Variants in ASPH observed in about 807,000 individuals in gnomAD.
ASPH encodes the protein aspartate beta-hydroxylase.
In ASPH, 100 loss-of-function variants were observed where a neutral mutation model predicts 118.4. The observed-to-expected ratio is 0.84, with a 90% CI of 0.72 to 1.00. ASPH has a LOEUF of 1.00. Among genes scored for constraint, ASPH ranks in the 50% least tolerant of loss-of-function variants. The probability of loss-of-function intolerance (pLI) is 0.00; values close to 1 mark genes in which losing one functional copy is unlikely to be tolerated. For synonymous variants in ASPH, 315 were observed against 325.6 expected, an observed-to-expected ratio of 0.97 and a Z score of 0.35; for missense variants, 920 against 919.5, an observed-to-expected ratio of 1.00 and a Z score of -0.01.
chr8:61,646,993 G>C (rs754676697), intron 5 of ASPH, 115 bp from the exon 6 acceptor site: 6 of 1,371,364 alleles, frequency 4.4e-6, no homozygotes, highest in Non-Finnish European at 4.0e-6. Flanking sequence ...CCCTCCTTTC[G>C]GCCGCTGAAG....
chr8:61,689,634 G>C (rs1163062118), intron 1 of ASPH: 2 of 1,548,428 alleles, frequency 1.3e-6, no homozygotes, highest in Admixed American at 3.5e-5. Flanking sequence ...CTGTCAGCTA[G>C]ATCTAAAGCC....
intron 17 of ASPH, among the ~76,000 whole-genome samples, chr8:61,566,872 CAT>C (rs375817467): frequency 1.7e-4 from 26 of 152,300 alleles, no homozygotes; most frequent in African/African-American, 4.8e-4. Flanking sequence ...GACACTATGA[CAT>C]AGTATAAATA....
intron 1 of ASPH, among the ~76,000 whole-genome samples, chr8:61,708,116 T>C (rs908105624): frequency 6.6e-6 from 1 of 152,230 alleles, no homozygotes; most frequent in East Asian, 1.9e-4. Context: ...GTTTCATTTC[T>C]TCGCCTATAT....
Position 61,644,616 on chromosome 8 carries a change from G to A in ASPH, c.636C>T (p.Tyr212=), listed in dbSNP as rs374862955. 6.0e-5 allele frequency: 95 copies of A among 1,584,828 alleles called. No homozygotes were observed. Among genetic ancestry groups the A allele is most frequent in the Admixed American group, 4.6e-4 (26 of 56,880 alleles). ...AAATCTCACCTGTCTCTTCCACGTG[G>A]TAACTATGCTCGGTTTCTGGAAAAA... The part of the protein sequence containing the change: ...EVSHEETEHS[Y]HVEETVSQDC... Residue 212 remains tyrosine, a synonymous_variant, in exon 7 of 25, where the codon TAC becomes TAT. Transcript: ENST00000379454.
chr8:61,578,590 G>A, intron 15 of ASPH: 2 of 1,521,394 alleles, frequency 1.3e-6, no homozygotes, highest in South Asian at 1.1e-5. Context: ...ACCAAGTGGA[G>A]CCTCCTGCAG....
At chr8:61,675,815 C>T in intron 3 of ASPH, 2 of 1,260,646 alleles carry the variant, frequency 1.6e-6, no homozygotes, top group African/African-American at 1.5e-5. Context: ...CCAATTATAC[C>T]ACCAAGAACA....
At chr8:61,698,604 T>C (rs1156635728) in intron 1 of ASPH, among the ~76,000 whole-genome samples, 1 of 152,200 alleles carries the variant, frequency 6.6e-6, no homozygotes, top group Non-Finnish European at 1.5e-5. Flanking sequence ...TTTTAGCCCC[T>C]CTCTCCTCCC....
At chr8:61,625,924 T>C (rs923829710) in intron 13 of ASPH, 1 of 1,069,172 alleles carries the variant, frequency 9.4e-7, no homozygotes, top group African/African-American at 1.7e-5. Context: ...CAATTGCTGC[T>C]ACATCACCAA....
At chr8:61,609,563 T>C (rs1201554984) in intron 14 of ASPH, among the ~76,000 whole-genome samples, 1 of 152,142 alleles carries the variant, frequency 6.6e-6, no homozygotes, top group African/African-American at 2.4e-5. Flanking sequence ...GGAAAGGCGG[T>C]AGACTGGCTT....
intron 21 of ASPH, among the ~76,000 whole-genome samples, chr8:61,533,975 T>G (rs1256821557): frequency 2.0e-5 from 3 of 152,182 alleles, no homozygotes; most frequent in African/African-American, 7.2e-5. Flanking sequence ...GAGACAGAGT[T>G]TTGCTCTTGT....
intron 16 of ASPH, among the ~76,000 whole-genome samples, chr8:61,570,531 G>C (rs1435959676): frequency 1.3e-5 from 2 of 152,118 alleles, no homozygotes; most frequent in Non-Finnish European, 2.9e-5. Context: ...TAATCTGTAT[G>C]CCTTGTCCCC....
At chr8:61,566,276 A>T (rs1029238557) in intron 17 of ASPH, among the ~76,000 whole-genome samples, 1 of 152,204 alleles carries the variant, frequency 6.6e-6, no homozygotes, top group African/African-American at 2.4e-5. Context: ...TCAGTGGAGG[A>T]AGTAACTACA....
chr8:61,514,484 C>A (rs1810105289), intron 24 of ASPH, among the ~76,000 whole-genome samples: 1 of 152,044 alleles, frequency 6.6e-6, no homozygotes, highest in Non-Finnish European at 1.5e-5. Context: ...GAGGCCCAGG[C>A]AGATCACAAG....
chr8:61,675,640 T>TA (rs1007546014), intron 3 of ASPH: 70 of 981,140 alleles, frequency 7.1e-5, no homozygotes, highest in South Asian at 3.7e-4. Flanking sequence ...GCATTTAACT[T>TA]AAAAATCATG....
chr8:61,610,034 C>T (rs901215330), intron 14 of ASPH, among the ~76,000 whole-genome samples: 3 of 152,088 alleles, frequency 2.0e-5, no homozygotes, highest in Non-Finnish European at 4.4e-5. Context: ...GTCACATCTT[C>T]CATCATTAAA....
chr8:61,535,571 A>G (rs1819175923), intron 21 of ASPH, among the ~76,000 whole-genome samples: 3 of 152,222 alleles, frequency 2.0e-5, no homozygotes, highest in African/African-American at 2.4e-5. Context: ...GTGAAAGGCT[A>G]TTCTTGGCAA....
chr8:61,525,386 G>C (rs1211866331), intron 22 of ASPH, among the ~76,000 whole-genome samples: 1 of 151,574 alleles, frequency 6.6e-6, no homozygotes, highest in African/African-American at 2.4e-5. Context: ...ACACGCTGGA[G>C]CTCCATATGT....
chr8:61,599,805 T>C (rs1443592654), intron 14 of ASPH, among the ~76,000 whole-genome samples: 3 of 152,044 alleles, frequency 2.0e-5, no homozygotes, highest in Non-Finnish European at 2.9e-5. Flanking sequence ...TAGGACCACA[T>C]AGCATTACTG....
At chr8:61,585,194 C>G (rs1008038106) in intron 14 of ASPH, among the ~76,000 whole-genome samples, 1 of 152,166 alleles carries the variant, frequency 6.6e-6, no homozygotes, top group Non-Finnish European at 1.5e-5. Flanking sequence ...AACAGGAGCC[C>G]TCCTCCCGAA....
Sources: allele counts gnomAD v4.1 joint callset (sites outside exome capture counted in the v4.1 genomes callset), GRCh38; gene constraint gnomAD v4.1.1; transcripts MANE v1.5; gene names NCBI Gene and HGNC (gene_info 2026-07-23, HGNC 2026-07-21).